The following LIN54 variants were observed in gnomAD, a reference collection of about 807,000 sequenced individuals.
LIN54 encodes lin-54 DREAM MuvB core complex component.
LIN54 carries 9 observed loss-of-function variants against 78.7 expected under a neutral mutation model. That is an observed-to-expected ratio of 0.11 (90% confidence interval 0.07 to 0.20). The LOEUF (loss-of-function observed/expected upper bound fraction) is 0.20. Among genes scored for constraint, LIN54 ranks in the 10% least tolerant of loss-of-function variants. LIN54 has a pLI of 1.00. For synonymous variants in LIN54, 269 were observed against 318.4 expected, an observed-to-expected ratio of 0.84 and a Z score of 1.65; for missense variants, 573 against 889.9, an observed-to-expected ratio of 0.64 and a Z score of 4.53.
At chr4:82,941,164 A>ATATT (rs1722842411) in intron 5 of LIN54, among the ~76,000 whole-genome samples, 1 of 149,150 alleles carries the variant, frequency 6.7e-6, no homozygotes, top group African/African-American at 2.5e-5. Flanking sequence ...ATATATATAT[A>ATATT]TATATATATA....
At chr4:82,941,172 A>C (rs1335789181) in intron 5 of LIN54, among the ~76,000 whole-genome samples, 1 of 149,272 alleles carries the variant, frequency 6.7e-6, no homozygotes, top group Admixed American at 6.7e-5. Context: ...ATATATATAT[A>C]TATCGTTGGC....
intron 3 of LIN54, among the ~76,000 whole-genome samples, chr4:82,974,858 CAA>C (rs57555387): frequency 1.8e-3 from 233 of 131,970 alleles, no homozygotes; most frequent in Admixed American, 3.0e-3. Context: ...CAGACTGTCT[CAA>C]AAAAAAAAAA....
intron 5 of LIN54, among the ~76,000 whole-genome samples, chr4:82,940,647 C>T (rs1370290332): frequency 1.3e-5 from 2 of 152,220 alleles, no homozygotes; most frequent in Non-Finnish European, 2.9e-5. Flanking sequence ...GTGATCCACC[C>T]GCCTTGGCCA....
intron 3 of LIN54, among the ~76,000 whole-genome samples, chr4:82,972,968 AAAATT>A (rs1725799637): frequency 6.6e-6 from 1 of 151,914 alleles, no homozygotes; most frequent in Non-Finnish European, 1.5e-5. Flanking sequence ...AAAAAAAAAA[AAAATT>A]CATACAGAAA....
chr4:82,979,888 A>G (rs1315269129), intron 2 of LIN54, among the ~76,000 whole-genome samples: 1 of 138,930 alleles, frequency 7.2e-6, no homozygotes, highest in Non-Finnish European at 1.5e-5. Flanking sequence ...GGGAGTCGAG[A>G]TTGCACCACT....
At chr4:82,929,936 T>G (rs183487504) in intron 12 of LIN54, among the ~76,000 whole-genome samples, 4 of 152,336 alleles carry the variant, frequency 2.6e-5, no homozygotes. Flanking sequence ...TTGCTCTTGT[T>G]GCCCAAGCTG....
intron 4 of LIN54, among the ~76,000 whole-genome samples, chr4:82,951,465 A>G (rs903464280): frequency 1.3e-5 from 2 of 152,174 alleles, no homozygotes; most frequent in South Asian, 2.1e-4. Context: ...TAGACAAACT[A>G]TAAGGTATCA....
At chr4:82,961,891 G>A (rs1724828001) in intron 4 of LIN54, among the ~76,000 whole-genome samples, 1 of 151,658 alleles carries the variant, frequency 6.6e-6, no homozygotes, top group African/African-American at 2.4e-5. Context: ...TGGAGGCGGA[G>A]GTTGCAGTGA....
intron 2 of LIN54, among the ~76,000 whole-genome samples, chr4:82,982,634 G>A (rs1399957421): frequency 6.6e-6 from 1 of 152,176 alleles, no homozygotes; most frequent in Non-Finnish European, 1.5e-5. Context: ...GATGCTTGAT[G>A]GTGATAAGAT....
chr4:82,996,564 C>T (rs1015784003), intron 1 of LIN54, among the ~76,000 whole-genome samples: 1 of 151,882 alleles, frequency 6.6e-6, no homozygotes, highest in Non-Finnish European at 1.5e-5. Flanking sequence ...TGCTACCATG[C>T]CTGGCTAATT....
rs180754587 is a variant in LIN54 at position 82,938,416 on chromosome 4, T to C, written c.1529A>G (p.Asn510Ser). 6.9e-6 allele frequency: 11 copies of C among 1,584,024 alleles called. No individual in the cohort carries two copies. The highest frequency in any genetic ancestry group is 5.0e-5 in the Admixed American group (3 of 59,870). ...TACCTATTTTCAAAATACTCACCCA[T>C]TGAATGGAAGCCGTGCCTGGGTCTG... Reference protein sequence around the residue: ...GIQTQARLPFNGIIPSESASR... With the variant: ...GIQTQARLPFSGIIPSESASR... Residue 510 changes from asparagine (N) to serine (S), a missense_variant, in exon 8 of 13, where the codon AAT becomes AGT. Around this residue, in one of 6 missense-constraint regions of LIN54, gnomAD observed 101 missense variants for 194.2 expected, o/e 0.52. Transcript: ENST00000340417.
chr4:82,935,174 T>C (rs1009451052), intron 11 of LIN54, among the ~76,000 whole-genome samples: 2 of 151,730 alleles, frequency 1.3e-5, no homozygotes, highest in South Asian at 2.1e-4. Flanking sequence ...AGCAGTGTGC[T>C]CTTTGAGTGG....
Position 83,002,506 on chromosome 4 carries a change from TAGAC to T in LIN54, c.-33+7974_-33+7977del, listed in dbSNP as rs1170778278. On this transcript the variant is annotated intron_variant, in intron 1 of 12. Coordinates refer to ENST00000340417, the MANE Select transcript of LIN54 (RefSeq NM_194282.4). The stretch of plus-strand genomic sequence containing the variant: ...GGGAGGGAGGCAGGGGAAAAAAAGT[TAGAC>T]AGAAATTACAATGTATTTCCATAAA... 2.6e-5 allele frequency among the ~76,000 whole-genome samples: 4 copies of T among 151,716 alleles called. No individual in the cohort carries two copies. In the South Asian group the frequency reaches 6.2e-4, roughly 24 times the overall value.
chr4:82,983,892 T>C (rs566938910), intron 2 of LIN54, among the ~76,000 whole-genome samples: 27 of 152,284 alleles, frequency 1.8e-4, no homozygotes, highest in African/African-American at 6.0e-4. Flanking sequence ...CCACTAAGAA[T>C]AAAATGCATT....
In LIN54 at chr4:82,926,648, T is replaced by C. The variant is rs767362279; in HGVS notation, c.*1454A>G. 6.6e-6 allele frequency: 1 copy of C among 152,188 alleles called. No homozygotes were observed. The highest frequency in any genetic ancestry group is 1.5e-5 in the Non-Finnish European group (1 of 68,026). The allele number at this position is 152,188 out of a possible 1,614,324, so 9.4% of individuals were successfully genotyped here. A position where few individuals can be genotyped will look rare whatever the true frequency, so the allele number is the denominator to read the frequency against. On this transcript the variant is annotated 3_prime_UTR_variant, in exon 13 of 13. Coordinates refer to ENST00000340417, the MANE Select transcript of LIN54 (RefSeq NM_194282.4). Reference sequence around the variant, plus strand: ...CTGTCACAACAGGCTCTTAAATTCATAGAGTTTTTGAATACTGAAAATGAT... The same window carrying C: ...CTGTCACAACAGGCTCTTAAATTCACAGAGTTTTTGAATACTGAAAATGAT...
chr4:82,974,533 CCGAG>C (rs1725984337), intron 3 of LIN54, among the ~76,000 whole-genome samples: 1 of 151,732 alleles, frequency 6.6e-6, no homozygotes, highest in African/African-American at 2.4e-5. Flanking sequence ...GGTCAGGAGT[CCGAG>C]ACCAGCCTGG....
chr4:82,998,386 T>C (rs928316977), intron 1 of LIN54, among the ~76,000 whole-genome samples: 2 of 151,474 alleles, frequency 1.3e-5, no homozygotes, highest in African/African-American at 4.9e-5. Context: ...CTACTAAAAC[T>C]ACAAAAATTA....
At chr4:83,007,632 A>T (rs946551311) in intron 1 of LIN54, among the ~76,000 whole-genome samples, 1 of 152,224 alleles carries the variant, frequency 6.6e-6, no homozygotes, top group African/African-American at 2.4e-5. Context: ...TAACGCCTGT[A>T]ACCTCAACAC....
intron 1 of LIN54, among the ~76,000 whole-genome samples, chr4:82,999,358 C>T (rs938924066): frequency 2.0e-5 from 3 of 152,084 alleles, no homozygotes; most frequent in Admixed American, 6.5e-5. Context: ...ATGAATCCAG[C>T]GTAAAGACCA....
Sources: gnomAD v4.1 joint callset for allele counts (sites outside exome capture counted in the v4.1 genomes callset) on GRCh38, gnomAD v4.1.1 for gene constraint, gnomAD v4.1.1 regional missense constraint, MANE v1.5 for transcripts, NCBI Gene and HGNC (gene_info 2026-07-23, HGNC 2026-07-21) for gene names.